NRXN3: variants seen among roughly 807,000 people sequenced by gnomAD.
The protein encoded by NRXN3 is neurexin 3.
Under a neutral mutation model 137.6 loss-of-function variants are expected in NRXN3, and 32 were observed. The observed-to-expected ratio is 0.23, with a 90% CI of 0.18 to 0.31. The LOEUF (loss-of-function observed/expected upper bound fraction) is 0.31. Among genes scored for constraint, NRXN3 ranks in the 10% least tolerant of loss-of-function variants. The pLI, the probability that NRXN3 is intolerant of heterozygous loss-of-function variation, is 1.00. For missense variants in NRXN3, 1,574 were observed against 2,062.5 expected (o/e 0.76, Z 4.59); for synonymous variants, 798 against 784.5 (o/e 1.02, Z -0.29).
At position 79,656,951 on chromosome 14, in the gene NRXN3, T is replaced by A. The variant is rs529931275; in HGVS notation, c.3445-6827T>A. Among the ~76,000 whole-genome samples the A allele has an allele frequency of 2.0e-4, 31 of 152,236 alleles. 1 individual carries two copies. Among genetic ancestry groups the A allele is most frequent in the African/African-American group, 6.7e-4 (28 of 41,548 alleles). The stretch of plus-strand genomic sequence containing the variant: ...ATGACCTTGACTGGGAGACAGTCGT[T>A]GTAAATAGAGCAGTATCCTATAGGG... On this transcript the variant is annotated intron_variant, in intron 16 of 20. Transcript: ENST00000335750.
At chr14:78,346,944 G>T (rs970459329) in intron 4 of NRXN3, among the ~76,000 whole-genome samples, 3 of 152,316 alleles carry the variant, frequency 2.0e-5, no homozygotes, top group Admixed American at 2.0e-4. Flanking sequence ...TTTGCTGACA[G>T]CAAAGGGTGA....
At position 78,938,842 on chromosome 14, in the gene NRXN3, A is replaced by ATTTTTCTTTTTTTTTTTTTTCT. The variant is rs1555602877; in HGVS notation, c.2276-18380_2276-18379insCTTTTTTCTTTTTTTTTTTTTT. ...ACTTTATATTTGAAGGTCCAGAGTG[A>ATTTTTCTTTTTTTTTTTTTTCT]TTTTTCTTTTTTTTTTTTTTTTGAG... On this transcript the variant is annotated intron_variant, in intron 10 of 20. Transcript: ENST00000335750. 9.4e-4 allele frequency among the ~76,000 whole-genome samples: 126 copies of ATTTTTCTTTTTTTTTTTTTTCT among 134,378 alleles called. 1 individual carries two copies. The highest frequency in any genetic ancestry group is 3.5e-3 in the African/African-American group (118 of 33,710). The allele number at this position is 134,378 out of a possible 152,430, so 88.2% of individuals were successfully genotyped here. A position where few individuals can be genotyped will look rare whatever the true frequency, so the allele number is the denominator to read the frequency against.
At chr14:79,446,718 T>C (rs2096069561) in intron 15 of NRXN3, among the ~76,000 whole-genome samples, 1 of 152,284 alleles carries the variant, frequency 6.6e-6, no homozygotes, top group African/African-American at 2.4e-5. Flanking sequence ...TTTAAAGTAC[T>C]TTAAAGATAA....
At position 79,638,922 on chromosome 14, in the gene NRXN3, T is replaced by C. The variant is rs1299695997; in HGVS notation, c.3445-24856T>C. Among the ~76,000 whole-genome samples, 9 of 152,334 alleles carry C rather than the reference T, an allele frequency of 5.9e-5. No individual in the cohort carries two copies. The East Asian group carries it at 1.7e-3, about 29-fold the overall frequency. ...GGAGGAAATGTGAAATGTTTCTGCTTGGTGCATTAATCGAGAGTTATTTGG... is the reference window on the plus strand; with the variant it reads ...GGAGGAAATGTGAAATGTTTCTGCTCGGTGCATTAATCGAGAGTTATTTGG... On this transcript the variant is annotated intron_variant, in intron 16 of 20. Coordinates refer to ENST00000335750, the MANE Select transcript of NRXN3 (RefSeq NM_001330195.2).
At chr14:78,217,380 C>T (rs536856190) in intron 1 of NRXN3, among the ~76,000 whole-genome samples, 7 of 152,188 alleles carry the variant, frequency 4.6e-5, no homozygotes, top group African/African-American at 1.2e-4. Flanking sequence ...GGTTCTCAAC[C>T]AGGACAGTTT....
At chr14:79,417,846 G>A (rs761373791) in intron 15 of NRXN3, among the ~76,000 whole-genome samples, 3 of 152,084 alleles carry the variant, frequency 2.0e-5, no homozygotes, top group Admixed American at 6.6e-5. Context: ...TGATATGCCA[G>A]ACAGGGCTTT....
At chr14:78,747,835 C>T (rs1228408869) in intron 8 of NRXN3, among the ~76,000 whole-genome samples, 1 of 152,174 alleles carries the variant, frequency 6.6e-6, no homozygotes, top group Non-Finnish European at 1.5e-5. Context: ...TTTAGATTTC[C>T]TCCCTATCCA....
intron 15 of NRXN3, among the ~76,000 whole-genome samples, chr14:79,159,090 G>A (rs1261958238): frequency 6.6e-6 from 1 of 151,706 alleles, no homozygotes; most frequent in Non-Finnish European, 1.5e-5. Context: ...CTCATAATAA[G>A]CAGGTGTTAT....
At chr14:79,093,895 A>AC (rs1336825690) in intron 15 of NRXN3, among the ~76,000 whole-genome samples, 2 of 151,408 alleles carry the variant, frequency 1.3e-5, no homozygotes, top group African/African-American at 2.4e-5. Flanking sequence ...ATTCTGATTG[A>AC]TTTTTTTTTT....
chr14:78,797,285 A>G (rs2098824910), intron 8 of NRXN3, among the ~76,000 whole-genome samples: 1 of 152,234 alleles, frequency 6.6e-6, no homozygotes, highest in South Asian at 2.1e-4. Flanking sequence ...CAGACTTGTT[A>G]CAATGTATTA....
chr14:79,778,887 G>A (rs1286462643), intron 19 of NRXN3, among the ~76,000 whole-genome samples: 1 of 152,200 alleles, frequency 6.6e-6, no homozygotes, highest in Admixed American at 6.5e-5. Context: ...ATATAGTGGT[G>A]AAGAGAAAGA....
At chr14:79,567,476 C>T (rs919396146) in intron 16 of NRXN3, among the ~76,000 whole-genome samples, 2 of 151,736 alleles carry the variant, frequency 1.3e-5, no homozygotes, top group Admixed American at 6.6e-5. Flanking sequence ...TGATGTTAGC[C>T]CTTATGTCCT....
chr14:78,939,388 TAGAA>T (rs1473733071), intron 10 of NRXN3, among the ~76,000 whole-genome samples: 2 of 152,214 alleles, frequency 1.3e-5, no homozygotes, highest in Non-Finnish European at 2.9e-5. Context: ...GCAAGTGGGA[TAGAA>T]AGACTACCAT....
At chr14:78,380,767 C>T (rs1208212743) in intron 4 of NRXN3, among the ~76,000 whole-genome samples, 1 of 143,490 alleles carries the variant, frequency 7.0e-6, no homozygotes, top group Non-Finnish European at 1.5e-5. Context: ...AGGTTGAACA[C>T]AATTTCTTTC....
intron 6 of NRXN3, among the ~76,000 whole-genome samples, chr14:78,668,958 G>A (rs938052159): frequency 3.3e-5 from 5 of 151,982 alleles, no homozygotes; most frequent in African/African-American, 7.2e-5. Context: ...CTGTCTGTCT[G>A]TCTATCTATC....
chr14:78,614,506 C>T (rs1386170853), intron 4 of NRXN3, among the ~76,000 whole-genome samples: 1 of 151,404 alleles, frequency 6.6e-6, no homozygotes, highest in Non-Finnish European at 1.5e-5. Context: ...GCCCAACATA[C>T]TCTGCTTCTT....
intron 20 of NRXN3, chr14:79,854,007 A>T (rs2099397257): frequency 2.0e-6 from 2 of 984,206 alleles, no homozygotes; most frequent in Non-Finnish European, 2.4e-6. Context: ...TGTGGTGTGG[A>T]TGTATGTGTT....
chr14:79,161,186 A>G (rs1319461811), intron 15 of NRXN3, among the ~76,000 whole-genome samples: 2 of 151,920 alleles, frequency 1.3e-5, no homozygotes, highest in South Asian at 2.1e-4. Context: ...TTTGCCTTGA[A>G]GGTAGGGAAG....
intron 16 of NRXN3, among the ~76,000 whole-genome samples, chr14:79,566,037 T>C (rs2097547823): frequency 6.6e-6 from 1 of 152,124 alleles, no homozygotes; most frequent in African/African-American, 2.4e-5. Context: ...TTCTAATCTT[T>C]TTCTGGGGGG....
Sources: allele counts gnomAD v4.1 joint callset (sites outside exome capture counted in the v4.1 genomes callset), GRCh38; gene constraint gnomAD v4.1.1; transcripts MANE v1.5; gene names NCBI Gene and HGNC (gene_info 2026-07-23, HGNC 2026-07-21).